The following SVEP1 variants were observed in gnomAD, a reference collection of about 807,000 sequenced individuals.
SVEP1 encodes the protein sushi, von Willebrand factor type A, EGF and pentraxin domain containing 1, also known as sushi, von Willebrand factor type A, EGF and pentraxin domain-containing protein 1.
In SVEP1, 164 loss-of-function variants were observed where a neutral mutation model predicts 367.3. That is an observed-to-expected ratio of 0.45 (90% confidence interval 0.39 to 0.51). SVEP1 has a LOEUF of 0.51. SVEP1 is among the 20% of genes least tolerant of loss of function. The probability of loss-of-function intolerance (pLI) is 0.00; values close to 1 mark genes in which losing one functional copy is unlikely to be tolerated. For synonymous variants in SVEP1, 1,666 were observed against 1,611.6 expected (o/e 1.03, Z -0.81); for missense variants, 4,117 against 4,425.3 (o/e 0.93, Z 1.98).
In SVEP1 at chr9:110,472,151, A is replaced by T. The variant is rs751532087; in HGVS notation, c.2764+8T>A. ...TATTGCTTTTTCAAATAGACAGTTTATCCTTACCTGTGATGTTAAAAATTA... is the reference window on the plus strand; with the variant it reads ...TATTGCTTTTTCAAATAGACAGTTTTTCCTTACCTGTGATGTTAAAAATTA... On this transcript the variant is annotated splice_region_variant and intron_variant, in intron 15 of 47. Transcript: ENST00000374469. 6.2e-7 allele frequency: 1 copy of T among 1,608,838 alleles called. No homozygotes were observed. Among genetic ancestry groups the T allele is most frequent in the Non-Finnish European group, 8.5e-7 (1 of 1,178,590 alleles).
At chr9:110,383,791 C>T (rs898162705) in intron 43 of SVEP1, among the ~76,000 whole-genome samples, 16 of 152,080 alleles carry the variant, frequency 1.1e-4, no homozygotes, top group Middle Eastern at 3.2e-3. Flanking sequence ...TGTTCATAAA[C>T]CCCTGGCTGG....
At chr9:110,382,968 C>CCTGGTT (rs1827461021) in intron 43 of SVEP1, among the ~76,000 whole-genome samples, 1 of 152,146 alleles carries the variant, frequency 6.6e-6, no homozygotes, top group East Asian at 1.9e-4. Flanking sequence ...AATGTTTTAT[C>CCTGGTT]CTGGTTCTTG....
chr9:110,533,246 G>A (rs1830042055), intron 3 of SVEP1, among the ~76,000 whole-genome samples: 1 of 152,130 alleles, frequency 6.6e-6, no homozygotes, highest in Non-Finnish European at 1.5e-5. Flanking sequence ...TACCACTGAT[G>A]GAGCACAGTA....
At chr9:110,578,988 G>C (rs1387157560) in intron 1 of SVEP1, 25 bp downstream of exon 1, 11 of 1,544,008 alleles carry the variant, frequency 7.1e-6, no homozygotes, top group East Asian at 2.4e-5. Context: ...ACTAGGGCCC[G>C]GGTCGGGAGG....
At chr9:110,448,158 T>TGC (rs1828634933) in intron 24 of SVEP1, among the ~76,000 whole-genome samples, 1 of 56,504 alleles carries the variant, frequency 1.8e-5, no homozygotes, top group Non-Finnish European at 3.4e-5. Context: ...TGCGCGTGTG[T>TGC]GTGTGCGCGC....
intron 46 of SVEP1, among the ~76,000 whole-genome samples, chr9:110,371,318 C>T (rs1827272816): frequency 6.6e-6 from 1 of 152,174 alleles, no homozygotes; most frequent in African/African-American, 2.4e-5. Flanking sequence ...CACTAACAAA[C>T]TAGTCATTAC....
intron 1 of SVEP1, among the ~76,000 whole-genome samples, chr9:110,563,721 G>A (rs1830456690): frequency 6.6e-6 from 1 of 152,118 alleles, no homozygotes; most frequent in South Asian, 2.1e-4. Flanking sequence ...GAACAAGCAA[G>A]CCAGTAGAAG....
intron 47 of SVEP1, among the ~76,000 whole-genome samples, chr9:110,367,942 G>A (rs1588014787): frequency 6.6e-6 from 1 of 152,250 alleles, no homozygotes; most frequent in East Asian, 1.9e-4. Context: ...TTAGGTGGGT[G>A]TGGTGGCATA....
chr9:110,406,386 T>G lies in SVEP1; in HGVS notation c.9214A>C (p.Asn3072His), dbSNP rs771787442. Residue 3072 changes from asparagine (N) to histidine (H), a missense_variant, in exon 38 of 48, where the codon AAT becomes CAT. Physicochemically the swap from Asn to His is moderately conservative, Grantham distance 68. This residue lies in a region of SVEP1 where 1,765 missense variants were observed against 1,781.1 expected (regional missense o/e 0.99). Transcript: ENST00000374469. Reference protein sequence around the residue: ...TSCGSLPMIPNAFISETSSWK... With the variant: ...TSCGSLPMIPHAFISETSSWK... ...GAGCTGGTCTCACTGATGAACGCAT[T>G]TGGTATCATTGGAAGAGAACCACAA... 24 of 1,614,072 alleles carry G rather than the reference T, an allele frequency of 1.5e-5. No individual in the cohort carries two copies. In the East Asian group the frequency reaches 5.3e-4, roughly 36 times the overall value.
chr9:110,372,687 G>A (rs997188570), intron 46 of SVEP1, among the ~76,000 whole-genome samples: 2 of 152,162 alleles, frequency 1.3e-5, no homozygotes, highest in Admixed American at 1.3e-4. Flanking sequence ...GCTAGAATAG[G>A]TGGAGGAAAG....
Position 110,400,983 on chromosome 9 carries a change from G to A in SVEP1, c.9693C>T (p.Phe3231=). The change falls in exon 40 of 48, where the codon TTC becomes TTT. Residue 3231 remains phenylalanine (F), a synonymous_variant. Transcript: ENST00000374469. ...CQLDGTWEPP[F]SDESCSPVSC... ...AAACTGGACTGCAAGATTCATCGGA[G>A]AATGGTGGCTCCCAGGTTCCATCAA... 6 of 1,613,832 alleles carry A rather than the reference G, an allele frequency of 3.7e-6. No individual in the cohort carries two copies. The highest frequency in any genetic ancestry group is 5.1e-6 in the Non-Finnish European group (6 of 1,179,834).
intron 1 of SVEP1, among the ~76,000 whole-genome samples, chr9:110,552,804 C>A (rs561258451): frequency 1.3e-5 from 2 of 152,158 alleles, no homozygotes; most frequent in East Asian, 1.9e-4. Context: ...GGTACTGGGG[C>A]CCCCTGCAGT....
intron 1 of SVEP1, among the ~76,000 whole-genome samples, chr9:110,576,236 C>A (rs1344565114): frequency 2.6e-5 from 4 of 151,926 alleles, no homozygotes; most frequent in Admixed American, 2.0e-4. Flanking sequence ...CTCACACACA[C>A]ACACACACAC....
chr9:110,388,450 G>T (rs1401323526), intron 41 of SVEP1, among the ~76,000 whole-genome samples: 1 of 151,986 alleles, frequency 6.6e-6, no homozygotes, highest in Non-Finnish European at 1.5e-5. Context: ...AGAGAACCTG[G>T]GAAGCATTTA....
At chr9:110,479,587 T>C (rs376591744) in intron 13 of SVEP1, 48 bp downstream of exon 13, 210 of 1,551,626 alleles carry the variant, frequency 1.4e-4, no homozygotes, top group Non-Finnish European at 1.7e-4. Context: ...AGAAAGGTTA[T>C]GAAAGCCTTA....
At chr9:110,485,956 A>T (rs1009758699) in intron 9 of SVEP1, among the ~76,000 whole-genome samples, 6 of 152,208 alleles carry the variant, frequency 3.9e-5, no homozygotes, top group Non-Finnish European at 8.8e-5. Context: ...TTATTAGTGC[A>T]GACCTTAGGT....
intron 46 of SVEP1, among the ~76,000 whole-genome samples, chr9:110,372,627 C>T (rs893685625): frequency 4.6e-5 from 7 of 152,248 alleles, no homozygotes; most frequent in African/African-American, 1.4e-4. Flanking sequence ...TGATATTGAA[C>T]AAGTTTAGAG....
chr9:110,508,726 A>C (rs1463068798), intron 5 of SVEP1, among the ~76,000 whole-genome samples: 1 of 138,468 alleles, frequency 7.2e-6, no homozygotes, highest in Non-Finnish European at 1.5e-5. Context: ...GTGCCACTGC[A>C]CTCCAGCCTA....
rs755172136 is a variant in SVEP1 at position 110,546,289 on chromosome 9, G to A, written c.790C>T (p.Leu264=). The A allele has an allele frequency of 1.3e-6, 2 of 1,584,668 alleles. No homozygotes were observed. Among genetic ancestry groups the A allele is most frequent in the Non-Finnish European group, 1.7e-6 (2 of 1,164,704 alleles). The change falls in exon 3 of 48, where the codon CTA becomes TTA. Residue 264 remains leucine, a splice_region_variant and synonymous_variant. Coordinates refer to ENST00000374469, the MANE Select transcript of SVEP1 (RefSeq NM_153366.4). ...ALARRALHED[L]PSGSFIQDDM... The stretch of plus-strand genomic sequence containing the variant: ...TCTTGAATAAAACTCCCAGAAGGTA[G>A]ATCTACAAATAACATATGACAGAGG...
Sources: allele counts gnomAD v4.1 joint callset (sites outside exome capture counted in the v4.1 genomes callset), GRCh38; gene constraint gnomAD v4.1.1; regional missense constraint gnomAD v4.1.1; transcripts MANE v1.5; gene names NCBI Gene and HGNC (gene_info 2026-07-23, HGNC 2026-07-21).